Variants in RNLS observed in about 807,000 individuals in gnomAD.
RNLS encodes renalase, FAD dependent amine oxidase.
Under a neutral mutation model 39.8 loss-of-function variants are expected in RNLS, and 39 were observed. The observed-to-expected ratio is 0.98, with a 90% confidence interval of 0.76 to 1.28. RNLS has a LOEUF of 1.28. Ranked by LOEUF, RNLS falls within the 50% of genes most tolerant of loss-of-function variation. The probability of loss-of-function intolerance (pLI) is 0.00; values close to 1 mark genes in which losing one functional copy is unlikely to be tolerated. For synonymous variants in RNLS, 147 were observed against 150.7 expected (o/e 0.98, Z 0.18); for missense variants, 410 against 413.3 (o/e 0.99, Z 0.07).
intron 6 of RNLS, among the ~76,000 whole-genome samples, chr10:88,287,734 A>G (rs1843375470): frequency 1.3e-5 from 2 of 152,140 alleles, no homozygotes; most frequent in African/African-American, 4.8e-5. Context: ...AGAGAGAGAG[A>G]GCATGTGAAG....
chr10:88,561,478 G>T (rs1184455506), intron 4 of RNLS, among the ~76,000 whole-genome samples: 1 of 152,070 alleles, frequency 6.6e-6, no homozygotes, highest in East Asian at 1.9e-4. Flanking sequence ...AATAAATGGT[G>T]CTGATATAAT....
chr10:88,461,308 C>T (rs1239260630), intron 4 of RNLS, among the ~76,000 whole-genome samples: 1 of 152,124 alleles, frequency 6.6e-6, no homozygotes, highest in African/African-American at 2.4e-5. Flanking sequence ...CTCTGCTCTC[C>T]TTGCATGAAA....
the RNLS span, among the ~76,000 whole-genome samples, chr10:88,219,142 C>T: frequency 6.6e-6 from 1 of 152,120 alleles, no homozygotes; most frequent in Admixed American, 6.5e-5. Context: ...AGAGGGATGA[C>T]CACATAGTAA....
At chr10:88,329,817 T>C (rs953689031) in intron 5 of RNLS, among the ~76,000 whole-genome samples, 2 of 151,982 alleles carry the variant, frequency 1.3e-5, no homozygotes, top group Non-Finnish European at 2.9e-5. Flanking sequence ...ATTTAAATTA[T>C]TTTATTTTTC....
intron 4 of RNLS, among the ~76,000 whole-genome samples, chr10:88,540,707 G>T (rs1453953205): frequency 3.3e-5 from 5 of 152,018 alleles, no homozygotes; most frequent in Non-Finnish European, 1.5e-5. Context: ...TGGAATAAGT[G>T]TACTTTTCCA....
At chr10:88,348,299 CT>C (rs745441273) in intron 5 of RNLS, among the ~76,000 whole-genome samples, 2 of 152,160 alleles carry the variant, frequency 1.3e-5, no homozygotes, top group Non-Finnish European at 2.9e-5. Flanking sequence ...CTCATTCCTG[CT>C]TTCCCCCGGA....
At chr10:88,541,968 G>T (rs1374596706) in intron 4 of RNLS, among the ~76,000 whole-genome samples, 1 of 152,148 alleles carries the variant, frequency 6.6e-6, no homozygotes, top group African/African-American at 2.4e-5. Flanking sequence ...ACAGGCCAAG[G>T]ACATGATGAG....
At chr10:88,380,307 T>TTTGAG (rs1281549003) in intron 4 of RNLS, among the ~76,000 whole-genome samples, 1 of 151,670 alleles carries the variant, frequency 6.6e-6, no homozygotes, top group Non-Finnish European at 1.5e-5. Flanking sequence ...AATAGAGAAA[T>TTTGAG]TTGAGTTTTA....
At chr10:88,250,379 A>G in the RNLS span, among the ~76,000 whole-genome samples, 2 of 152,234 alleles carry the variant, frequency 1.3e-5, no homozygotes, top group Non-Finnish European at 2.9e-5. Context: ...GGCTTTATAA[A>G]GATTTTGACC....
chr10:88,250,737 G>A, the RNLS span, among the ~76,000 whole-genome samples: 69 of 152,268 alleles, frequency 4.5e-4, 1 homozygote, highest in Admixed American at 7.9e-4. Context: ...GCCGGATTCC[G>A]CCCTCATTCA....
At chr10:88,413,951 T>C (rs529291596) in intron 4 of RNLS, among the ~76,000 whole-genome samples, 1 of 152,308 alleles carries the variant, frequency 6.6e-6, no homozygotes, top group African/African-American at 2.4e-5. Context: ...ATAAACAGCC[T>C]TCACAATCAC....
Position 88,470,352 on chromosome 10 carries a change from G to A in RNLS, c.526+102551C>T, listed in dbSNP as rs190653896. Among the ~76,000 whole-genome samples the A allele has an allele frequency of 2.2e-3, 334 of 152,106 alleles. 1 individual carries two copies. The highest frequency in any genetic ancestry group is 7.6e-3 in the African/African-American group (315 of 41,498). The stretch of plus-strand genomic sequence containing the variant: ...GCACTATTCGCAATAGTAAAGACAT[G>A]GAATCAACCTAAATGCCCATCAATG... On this transcript the variant is annotated intron_variant, in intron 4 of 6. Coordinates refer to ENST00000331772, the MANE Select transcript of RNLS (RefSeq NM_001031709.3).
chr10:88,177,857 T>A, the RNLS span, among the ~76,000 whole-genome samples: 1 of 152,198 alleles, frequency 6.6e-6, no homozygotes, highest in African/African-American at 2.4e-5. Flanking sequence ...CTCAGTGGCC[T>A]AGGCTTTGGT....
At chr10:88,187,178 AAT>A in the RNLS span, among the ~76,000 whole-genome samples, 1 of 127,440 alleles carries the variant, frequency 7.8e-6, no homozygotes, top group Non-Finnish European at 1.7e-5. Context: ...ATATATATAT[AAT>A]ATATATAATA....
Position 88,346,070 on chromosome 10 carries a change from T to A in RNLS, c.700+16482A>T, listed in dbSNP as rs142668289. Among the ~76,000 whole-genome samples the A allele has an allele frequency of 2.6e-5, 4 of 152,230 alleles. No individual in the cohort carries two copies. In the East Asian group the frequency reaches 5.8e-4, roughly 22 times the overall value. Reference sequence around the variant, plus strand: ...GGCAAGATTCCAATGCAAGATAGCATTTCATTTTAATATCATTCTGATATA... The same window carrying A: ...GGCAAGATTCCAATGCAAGATAGCAATTCATTTTAATATCATTCTGATATA... On this transcript the variant is annotated intron_variant, in intron 5 of 6. Coordinates refer to ENST00000331772, the MANE Select transcript of RNLS (RefSeq NM_001031709.3).
downstream of RNLS, among the ~76,000 whole-genome samples, chr10:88,271,704 C>T (rs1842654081): frequency 6.6e-6 from 1 of 152,166 alleles, no homozygotes; most frequent in South Asian, 2.1e-4. Flanking sequence ...CAATTGGTAT[C>T]TTTCATCTTG....
At chr10:88,405,126 AG>A (rs1340814848) in intron 4 of RNLS, among the ~76,000 whole-genome samples, 2 of 152,046 alleles carry the variant, frequency 1.3e-5, no homozygotes, top group Non-Finnish European at 2.9e-5. Flanking sequence ...AGATGATTTT[AG>A]TGTAGCCTTC....
chr10:88,187,160 T>A, the RNLS span, among the ~76,000 whole-genome samples: 1 of 100,250 alleles, frequency 1.0e-5, no homozygotes, highest in East Asian at 2.5e-4. Context: ...ATATATATAA[T>A]ATATATAATA....
the RNLS span, among the ~76,000 whole-genome samples, chr10:88,220,237 C>T: frequency 1.5e-3 from 232 of 152,312 alleles, 1 homozygote; most frequent in African/African-American, 5.1e-3. Flanking sequence ...ATTCCACCCA[C>T]GGCTATATAC....
Sources: allele counts gnomAD v4.1 joint callset (sites outside exome capture counted in the v4.1 genomes callset), GRCh38; gene constraint gnomAD v4.1.1; transcripts MANE v1.5; gene names NCBI Gene and HGNC (gene_info 2026-07-23, HGNC 2026-07-21).